Variants in PRKCB observed in about 807,000 individuals in gnomAD.
PRKCB encodes protein kinase C beta type.
Under a neutral mutation model 81.5 loss-of-function variants are expected in PRKCB, and 13 were observed. The ratio of observed to expected loss-of-function variants is 0.16; its 90% confidence interval spans 0.10 to 0.25. The LOEUF is 0.25. PRKCB is among the 10% of genes least tolerant of loss of function. PRKCB has a pLI of 1.00. For missense variants in PRKCB, 509 were observed against 875.7 expected (o/e 0.58, Z 5.29); for synonymous variants, 335 against 321.4 (o/e 1.04, Z -0.45).
intron 9 of PRKCB, among the ~76,000 whole-genome samples, chr16:24,130,459 C>T (rs1966851740): frequency 6.6e-6 from 1 of 152,068 alleles, no homozygotes; most frequent in Non-Finnish European, 1.5e-5. Flanking sequence ...TCTCTTTGTT[C>T]CTGGCCCCCA....
intron 2 of PRKCB, among the ~76,000 whole-genome samples, chr16:23,880,066 ATAT>A (rs1344615572): frequency 2.6e-5 from 4 of 152,166 alleles, no homozygotes; most frequent in African/African-American, 9.7e-5. Context: ...AAGTGTATTA[ATAT>A]TATTTGTCCT....
intron 15 of PRKCB, among the ~76,000 whole-genome samples, chr16:24,188,625 G>A (rs1288659658): frequency 1.3e-5 from 2 of 152,014 alleles, no homozygotes. Flanking sequence ...TACTCAGATG[G>A]CTATTCCCAC....
chr16:24,130,443 A>G (rs1966851711), intron 9 of PRKCB, among the ~76,000 whole-genome samples: 1 of 152,208 alleles, frequency 6.6e-6, no homozygotes. Context: ...TGAAAATCTC[A>G]GAATGTCTCT....
intron 12 of PRKCB, among the ~76,000 whole-genome samples, chr16:24,175,465 G>T (rs1967514303): frequency 6.6e-6 from 1 of 151,854 alleles, no homozygotes; most frequent in Non-Finnish European, 1.5e-5. Context: ...TCTTTCTCAT[G>T]GTGGGAGTTA....
chr16:23,975,460 T>C (rs1251611145), intron 2 of PRKCB, among the ~76,000 whole-genome samples: 1 of 152,026 alleles, frequency 6.6e-6, no homozygotes, highest in Non-Finnish European at 1.5e-5. Context: ...ATCAGCGAGG[T>C]GGATGTGCCT....
chr16:24,207,588 T>A (rs1230788820), intron 16 of PRKCB, among the ~76,000 whole-genome samples: 1 of 152,234 alleles, frequency 6.6e-6, no homozygotes, highest in South Asian at 2.1e-4. Context: ...TTTTAATTTT[T>A]AAGAATGTTT....
intron 2 of PRKCB, among the ~76,000 whole-genome samples, chr16:23,951,177 G>A (rs916055494): frequency 1.3e-5 from 2 of 152,224 alleles, no homozygotes; most frequent in Admixed American, 6.5e-5. Flanking sequence ...AATAATGAGA[G>A]CAATCGAATG....
At chr16:23,847,108 A>G (rs911766880) in intron 2 of PRKCB, among the ~76,000 whole-genome samples, 2 of 152,106 alleles carry the variant, frequency 1.3e-5, no homozygotes, top group African/African-American at 4.8e-5. Context: ...ATGCAACACC[A>G]TTAGTTCAAC....
Position 23,836,107 on chromosome 16 carries a change from C to G in PRKCB, c.-69C>G. The G allele has an allele frequency of 9.2e-7, 1 of 1,089,058 alleles. No individual in the cohort carries two copies. The highest frequency in any genetic ancestry group is 1.1e-6 in the Non-Finnish European group (1 of 889,204). The allele number at this position is 1,089,058 out of a possible 1,614,324, so 67.5% of individuals were successfully genotyped here. A position where few individuals can be genotyped will look rare whatever the true frequency, so the allele number is the denominator to read the frequency against. On this transcript the variant is annotated 5_prime_UTR_variant, in exon 1 of 17. Transcript: ENST00000643927. The stretch of plus-strand genomic sequence containing the variant: ...GCGGCCGCCGCCTCCCGCGCCTCCC[C>G]GGCCCGCAGCCCGCGGTCCCGCGGC...
At chr16:24,120,668 T>G (rs78071567) in intron 8 of PRKCB, among the ~76,000 whole-genome samples, 7,389 of 152,254 alleles carry the variant, frequency 0.049, 606 homozygotes, top group African/African-American at 0.17. Context: ...CTGCTACCCA[T>G]CTGGGGTCAG....
chr16:23,870,493 T>C (rs142045298), intron 2 of PRKCB, among the ~76,000 whole-genome samples: 75 of 152,326 alleles, frequency 4.9e-4, no homozygotes, highest in Non-Finnish European at 9.3e-4. Context: ...AGAGGCAGAA[T>C]TGGGGCTTCA....
chr16:24,025,329 G>T (rs1050849525), intron 3 of PRKCB, among the ~76,000 whole-genome samples: 4 of 152,136 alleles, frequency 2.6e-5, no homozygotes. Context: ...TTAGTTCTTC[G>T]GTTTCCTCAT....
intron 9 of PRKCB, among the ~76,000 whole-genome samples, chr16:24,127,479 C>T (rs1207241487): frequency 1.3e-5 from 2 of 148,970 alleles, no homozygotes; most frequent in African/African-American, 2.6e-5. Flanking sequence ...CTTTCCAGTC[C>T]CCCTGAGCTA....
intron 5 of PRKCB, among the ~76,000 whole-genome samples, chr16:24,081,204 A>T (rs1376569067): frequency 6.6e-6 from 1 of 152,188 alleles, no homozygotes. Context: ...GCAATATATA[A>T]ATGAAAAATA....
intron 2 of PRKCB, among the ~76,000 whole-genome samples, chr16:23,973,338 C>G (rs1011052319): frequency 1.3e-5 from 2 of 152,086 alleles, no homozygotes; most frequent in African/African-American, 2.4e-5. Flanking sequence ...CCCGCCACCA[C>G]GCCCGGCTAA....
Position 24,100,362 on chromosome 16 carries a change from T to A in PRKCB, c.821+6065T>A, listed in dbSNP as rs1450573401. Among the ~76,000 whole-genome samples the A allele has an allele frequency of 2.6e-5, 4 of 152,172 alleles. No homozygotes were observed. In the East Asian group the frequency reaches 7.7e-4, roughly 29 times the overall value. On this transcript the variant is annotated intron_variant, in intron 7 of 16. Transcript: ENST00000643927. The stretch of plus-strand genomic sequence containing the variant: ...CCACTGAAGTGGGACTGGTCCCACC[T>A]AGCTTTGGGGCATCATTCTGGCTTT...
At chr16:24,075,068 A>G (rs1359170492) in intron 5 of PRKCB, among the ~76,000 whole-genome samples, 1 of 151,566 alleles carries the variant, frequency 6.6e-6, no homozygotes, top group Non-Finnish European at 1.5e-5. Flanking sequence ...ACAGTGAGTC[A>G]TGATTGCACC....
At chr16:23,951,760 A>G (rs1047040494) in intron 2 of PRKCB, among the ~76,000 whole-genome samples, 2 of 151,228 alleles carry the variant, frequency 1.3e-5, no homozygotes, top group African/African-American at 4.9e-5. Context: ...AACTCTTTAT[A>G]TATTCTAGAT....
intron 5 of PRKCB, among the ~76,000 whole-genome samples, chr16:24,058,550 A>G (rs1005009723): frequency 1.3e-5 from 2 of 152,172 alleles, no homozygotes; most frequent in African/African-American, 4.8e-5. Flanking sequence ...TGTTTGGACC[A>G]TAGATTGTAG....
Sources: gnomAD v4.1 joint callset for allele counts (sites outside exome capture counted in the v4.1 genomes callset) on GRCh38, gnomAD v4.1.1 for gene constraint, MANE v1.5 for transcripts, NCBI Gene and HGNC (gene_info 2026-07-23, HGNC 2026-07-21) for gene names.